Variants in PTPRG observed in about 807,000 individuals in gnomAD.
PTPRG encodes the protein protein tyrosine phosphatase receptor type G, also known as receptor-type tyrosine-protein phosphatase gamma.
In PTPRG, 102 loss-of-function variants were observed where a neutral mutation model predicts 165.3. The ratio of observed to expected loss-of-function variants is 0.62; its 90% CI spans 0.53 to 0.73. PTPRG has a LOEUF of 0.73. Ranked by LOEUF, PTPRG falls within the 30% of genes least tolerant of loss-of-function variation. The pLI, the probability that PTPRG is intolerant of heterozygous loss-of-function variation, is 0.00. For synonymous variants in PTPRG, 675 were observed against 669.5 expected (o/e 1.01, Z -0.13); for missense variants, 1,866 against 1,861.4 (o/e 1.00, Z -0.05).
At chr3:61,920,552 C>A (rs1381030333) in intron 2 of PTPRG, among the ~76,000 whole-genome samples, 1 of 152,168 alleles carries the variant, frequency 6.6e-6, no homozygotes, top group African/African-American at 2.4e-5. Context: ...TGCACCACCA[C>A]CCCCAGCTAA....
chr3:61,658,134 T>C (rs766114645), intron 1 of PTPRG, among the ~76,000 whole-genome samples: 2 of 152,200 alleles, frequency 1.3e-5, no homozygotes, highest in Non-Finnish European at 1.5e-5. Flanking sequence ...GCATGTACTG[T>C]TCAGGTCATT....
chr3:62,288,518 C>CA (rs1702756899), intron 28 of PTPRG, among the ~76,000 whole-genome samples: 1 of 151,922 alleles, frequency 6.6e-6, no homozygotes, highest in Non-Finnish European at 1.5e-5. Context: ...ACTAAAAATA[C>CA]AAAAATTAGC....
At chr3:61,862,935 G>T (rs186575742) in intron 2 of PTPRG, among the ~76,000 whole-genome samples, 3 of 152,136 alleles carry the variant, frequency 2.0e-5, no homozygotes, top group Non-Finnish European at 2.9e-5. Flanking sequence ...GGTCTTAATT[G>T]CCTCAAGTAT....
intron 1 of PTPRG, among the ~76,000 whole-genome samples, chr3:61,585,980 A>G (rs1700425060): frequency 6.6e-6 from 1 of 152,208 alleles, no homozygotes; most frequent in South Asian, 2.1e-4. Context: ...TCACAGTGGA[A>G]TATGAAAAGA....
intron 5 of PTPRG, among the ~76,000 whole-genome samples, chr3:62,078,846 A>C (rs1701478245): frequency 6.6e-6 from 1 of 152,212 alleles, no homozygotes; most frequent in Non-Finnish European, 1.5e-5. Context: ...GCATCCTGTG[A>C]TAAAATAATG....
At chr3:61,619,333 C>T (rs1441408353) in intron 1 of PTPRG, among the ~76,000 whole-genome samples, 1 of 152,060 alleles carries the variant, frequency 6.6e-6, no homozygotes, top group East Asian at 1.9e-4. Context: ...TATGTACACC[C>T]ACGAGACCAG....
At chr3:61,848,307 C>T (rs571705413) in intron 2 of PTPRG, among the ~76,000 whole-genome samples, 3 of 152,318 alleles carry the variant, frequency 2.0e-5, no homozygotes, top group African/African-American at 7.2e-5. Flanking sequence ...AAGTCACAGC[C>T]TTGCTGCAGT....
In PTPRG at chr3:62,233,291, T is replaced by A. The variant is rs1194361441; in HGVS notation, c.2375+1980T>A. Among the ~76,000 whole-genome samples, 1 of 152,176 alleles carries A rather than the reference T, an allele frequency of 6.6e-6. No homozygotes were observed. Among genetic ancestry groups the A allele is most frequent in the East Asian group, 1.9e-4 (1 of 5,178 alleles). On this transcript the variant is annotated intron_variant, in intron 14 of 29. Transcript: ENST00000474889. The surrounding 1 kb of genome is among the most constrained non-coding windows in gnomAD (Gnocchi z 4.7). ...TCCTCAAGGGGCGCCATGTCTGTGCTTCTTACGCTAGCCGCCCTGCTGTAA... is the reference window on the plus strand; with the variant it reads ...TCCTCAAGGGGCGCCATGTCTGTGCATCTTACGCTAGCCGCCCTGCTGTAA...
At chr3:61,853,383 C>T (rs1341793970) in intron 2 of PTPRG, among the ~76,000 whole-genome samples, 5 of 152,190 alleles carry the variant, frequency 3.3e-5, no homozygotes, top group Non-Finnish European at 7.3e-5. Flanking sequence ...ATTGCGGCTT[C>T]TGCCTTTGGG....
chr3:62,150,612 G>A (rs373616518), intron 6 of PTPRG, among the ~76,000 whole-genome samples: 16 of 152,130 alleles, frequency 1.1e-4, no homozygotes, highest in African/African-American at 3.9e-4. Context: ...ACACCAGGCA[G>A]AGGCTAGCCC....
chr3:62,090,971 C>T (rs1454163091), intron 5 of PTPRG, among the ~76,000 whole-genome samples: 2 of 152,104 alleles, frequency 1.3e-5, no homozygotes, highest in Non-Finnish European at 2.9e-5. Context: ...CAATTTGCTG[C>T]GAACTTCAAA....
chr3:61,569,372 GCCTAACT>G (rs993632100), intron 1 of PTPRG, among the ~76,000 whole-genome samples: 11 of 152,200 alleles, frequency 7.2e-5, no homozygotes, highest in Non-Finnish European at 2.9e-5. Flanking sequence ...GGTGATAGAA[GCCTAACT>G]CCTAAAGTCT....
At chr3:62,157,010 G>A (rs770572269) in intron 6 of PTPRG, 57 bp from the exon 7 acceptor site, 16 of 1,470,700 alleles carry the variant, frequency 1.1e-5, no homozygotes, top group African/African-American at 2.8e-5. Flanking sequence ...CTGTGTCTGC[G>A]GCTCGGAATG....
chr3:62,033,200 C>T (rs959630157), intron 4 of PTPRG, among the ~76,000 whole-genome samples: 1 of 152,084 alleles, frequency 6.6e-6, no homozygotes, highest in African/African-American at 2.4e-5. Context: ...ACCTCAGGAC[C>T]TATGAACCTA....
At chr3:61,999,020 G>A (rs1411873852) in intron 3 of PTPRG, among the ~76,000 whole-genome samples, 2 of 152,122 alleles carry the variant, frequency 1.3e-5, no homozygotes, top group African/African-American at 2.4e-5. Context: ...ATTCCATGGT[G>A]GAAGGGAAGG....
At chr3:61,809,072 CATAAGA>C (rs1435851248) in intron 2 of PTPRG, among the ~76,000 whole-genome samples, 2 of 149,644 alleles carry the variant, frequency 1.3e-5, no homozygotes, top group Non-Finnish European at 3.0e-5. Context: ...ATAGAGTTAT[CATAAGA>C]ATAAGTAAAA....
chr3:62,092,589 A>G (rs998742246), intron 5 of PTPRG, among the ~76,000 whole-genome samples: 5 of 152,216 alleles, frequency 3.3e-5, no homozygotes, highest in East Asian at 3.8e-4. Context: ...AGATTGCTCA[A>G]TTAAATCTCA....
chr3:62,119,549 G>A (rs1475574628), intron 5 of PTPRG, among the ~76,000 whole-genome samples: 1 of 152,142 alleles, frequency 6.6e-6, no homozygotes, highest in Non-Finnish European at 1.5e-5. Context: ...TCCAGAGGTC[G>A]GCTGGGCCCA....
chr3:62,273,628 G>T lies in PTPRG; in HGVS notation c.3319-70G>T. The T allele has an allele frequency of 6.7e-7, 1 of 1,493,672 alleles. No homozygotes were observed. The highest frequency in any genetic ancestry group is 1.2e-5 in the South Asian group (1 of 85,222). The allele number at this position is 1,493,672 out of a possible 1,614,324, so 92.5% of individuals were successfully genotyped here. A position where few individuals can be genotyped will look rare whatever the true frequency, so the allele number is the denominator to read the frequency against. On this transcript the variant is annotated intron_variant, in intron 22 of 29. Transcript: ENST00000474889. The surrounding 1 kb of genome is among the most constrained non-coding windows in gnomAD (Gnocchi z 4.1). ...CCTGTTAGCAGCAGAATTAAACTAA[G>T]GTACACTTCATGAATGAGTGGCTAA...
Sources: allele counts gnomAD v4.1 joint callset (sites outside exome capture counted in the v4.1 genomes callset), GRCh38; gene constraint gnomAD v4.1.1; non-coding constraint Gnocchi (gnomAD v3.1); transcripts MANE v1.5; gene names NCBI Gene and HGNC (gene_info 2026-07-23, HGNC 2026-07-21).